The following SH3TC1 variants were observed in gnomAD, a reference collection of about 807,000 sequenced individuals.
SH3TC1 encodes the protein SH3 domain and tetratricopeptide repeat-containing protein 1.
In SH3TC1, 135 loss-of-function variants were observed where a neutral mutation model predicts 117.3. The ratio of observed to expected loss-of-function variants is 1.15; its 90% CI spans 1.00 to 1.33. The LOEUF is 1.33. Among genes scored for constraint, SH3TC1 ranks in the 40% most tolerant of loss-of-function variants. SH3TC1 has a pLI of 0.00. For missense variants in SH3TC1, 2,092 were observed against 1,794.3 expected, an observed-to-expected ratio of 1.17 and a Z score of -3.00; for synonymous variants, 898 against 816.9, an observed-to-expected ratio of 1.10 and a Z score of -1.69.
rs1296058011 is a variant in SH3TC1, at chr4:8,225,239, G to A, written c.1285+23G>A. 2 of 1,610,094 alleles carry A rather than the reference G, an allele frequency of 1.2e-6. No individual in the cohort carries two copies. The highest frequency in any genetic ancestry group is 4.5e-5 in the East Asian group (2 of 44,762). On this transcript the variant is annotated intron_variant, in intron 11 of 17. Coordinates refer to ENST00000245105, the MANE Select transcript of SH3TC1 (RefSeq NM_018986.5). The surrounding 1 kb of genome is among the most constrained non-coding windows in gnomAD (Gnocchi z 5.5). The stretch of plus-strand genomic sequence containing the variant: ...AAGGTGGGTTTTGCCAGTGGCTCAG[G>A]CTTCCTCTGGTTATGAGCTGGGCCT...
chr4:8,240,868 C>T lies in SH3TC1; in HGVS notation c.3924C>T (p.Ala1308=), dbSNP rs748194202. The T allele has an allele frequency of 1.2e-6, 2 of 1,613,702 alleles. No individual in the cohort carries two copies. Among genetic ancestry groups the T allele is most frequent in the East Asian group, 4.5e-5 (2 of 44,868 alleles). The change falls in exon 18 of 18, where the codon GCC becomes GCT. Residue 1308 remains alanine, a synonymous_variant. Coordinates refer to ENST00000245105, the MANE Select transcript of SH3TC1 (RefSeq NM_018986.5). ...LFFYQKARTF[A]TELNVRRVNL... ...TCTACCAGAAGGCCAGGACCTTCGC[C>T]ACAGAGCTCAACGTCCGCAGGGTCA... is the stretch of plus-strand genomic sequence containing the variant.
intron 1 of SH3TC1, among the ~76,000 whole-genome samples, chr4:8,199,762 C>T (rs963928878): frequency 1.1e-4 from 16 of 152,322 alleles, no homozygotes; most frequent in African/African-American, 2.9e-4. Context: ...CCAAGTCCAG[C>T]GGATCTCAGG....
At position 8,227,973 on chromosome 4, in the gene SH3TC1, G is replaced by A. The variant is rs755155779; in HGVS notation, c.2279G>A (p.Ser760Asn). The change falls in exon 12 of 18, where the codon AGC (serine) becomes AAC (asparagine). Residue 760 changes from serine to asparagine, a missense_variant. Physicochemically the swap from Ser to Asn is conservative, Grantham distance 46 (BLOSUM62 1). Transcript: ENST00000245105. ...CTCCAGAACGCCCCCCAGCCCCACAGCCTCCCTGCCCAAACTTCCCACTAC... is the reference window on the plus strand; with the variant it reads ...CTCCAGAACGCCCCCCAGCCCCACAACCTCCCTGCCCAAACTTCCCACTAC... ...LVLQNAPQPH[S>N]LPAQTSHYLR... 2 of 1,612,372 alleles carry A rather than the reference G, an allele frequency of 1.2e-6. No homozygotes were observed. Among genetic ancestry groups the A allele is most frequent in the East Asian group, 2.2e-5 (1 of 44,872 alleles).
At chr4:8,185,904 C>T (rs1455272555) in intron 1 of SH3TC1, among the ~76,000 whole-genome samples, 2 of 152,202 alleles carry the variant, frequency 1.3e-5, no homozygotes, top group African/African-American at 4.8e-5. Flanking sequence ...GCCCCACTGG[C>T]ACCATGCTCT....
intron 9 of SH3TC1, among the ~76,000 whole-genome samples, chr4:8,220,794 C>G (rs1035762388): frequency 6.6e-6 from 1 of 152,200 alleles, no homozygotes; most frequent in Non-Finnish European, 1.5e-5. Context: ...CTCATCAAGC[C>G]GTTCACTTGT....
chr4:8,221,179 G>C (rs960077219), intron 9 of SH3TC1, among the ~76,000 whole-genome samples: 1 of 152,212 alleles, frequency 6.6e-6, no homozygotes. Flanking sequence ...CTCCAAGGGA[G>C]ACCACAAATT....
At chr4:8,215,972 C>A in intron 5 of SH3TC1, 139 bp from the exon 6 acceptor site, 1 of 1,087,920 alleles carries the variant, frequency 9.2e-7, no homozygotes, top group Non-Finnish European at 1.3e-6. Flanking sequence ...ACTGTGGGCA[C>A]CCCAGGGCAG....
chr4:8,191,257 G>A (rs138756253), intron 1 of SH3TC1, among the ~76,000 whole-genome samples: 1,930 of 152,340 alleles, frequency 0.013, 18 homozygotes, highest in African/African-American at 0.028. Flanking sequence ...GCGATTCCCT[G>A]GGCTCCAGGC....
chr4:8,214,451 G>A lies in SH3TC1; in HGVS notation c.376-24G>A, dbSNP rs371608374. ...GCCCCAGAGCTCCTGGGGACCTCTC[G>A]AATTCCTATTTCTTTCTCTTAAGGA... On this transcript the variant is annotated intron_variant, in intron 4 of 17. Transcript: ENST00000245105. The A allele has an allele frequency of 6.9e-5, 111 of 1,607,994 alleles. 1 individual carries two copies. The highest frequency in any genetic ancestry group is 1.4e-4 in the South Asian group (13 of 90,940).
chr4:8,232,178 GT>G, intron 13 of SH3TC1, 22 bp downstream of exon 13: 1 of 1,030,850 alleles, frequency 9.7e-7, no homozygotes. Flanking sequence ...CTCTGTGGTG[GT>G]GGGGGCGGGG....
At chr4:8,224,654 A>C (rs1720290971) in intron 10 of SH3TC1, 1 of 154,282 alleles carries the variant, frequency 6.5e-6, no homozygotes, top group South Asian at 2.0e-4. Context: ...CAGCCACTTT[A>C]CGGGGGTGAA....
At chr4:8,184,620 C>G (rs1342439441) in intron 1 of SH3TC1, among the ~76,000 whole-genome samples, 1 of 152,170 alleles carries the variant, frequency 6.6e-6, no homozygotes, top group Non-Finnish European at 1.5e-5. Context: ...CTCACGTGAT[C>G]CTCCCGCCTC....
chr4:8,231,609 T>G, intron 12 of SH3TC1: 6 of 232,882 alleles, frequency 2.6e-5, no homozygotes, highest in East Asian at 9.5e-5. Context: ...AGACGTGACA[T>G]TTGGTTTTGC....
In SH3TC1 at chr4:8,212,654, C is replaced by T. The variant is rs148270559; in HGVS notation, c.248-47C>T. On this transcript the variant is annotated intron_variant, in intron 3 of 17. Coordinates refer to ENST00000245105, the MANE Select transcript of SH3TC1 (RefSeq NM_018986.5). ...GTGGAGTACAGTGCCCCACAGACTT[C>T]CCAGCCCAGGTCAGACCAACTGCCC... 6.8e-6 allele frequency: 11 copies of T among 1,611,490 alleles called. No homozygotes were observed. In the African/African-American group the frequency reaches 1.2e-4, roughly 18 times the overall value.
At chr4:8,188,651 G>T (rs1246554714) in intron 1 of SH3TC1, among the ~76,000 whole-genome samples, 2 of 152,216 alleles carry the variant, frequency 1.3e-5, no homozygotes, top group Non-Finnish European at 2.9e-5. Context: ...AGGGTAGAAG[G>T]GGTGAGGGAT....
chr4:8,216,795 AC>A (rs1719320996), intron 6 of SH3TC1, among the ~76,000 whole-genome samples, 161 bp from the exon 7 acceptor site: 1 of 151,772 alleles, frequency 6.6e-6, no homozygotes. Context: ...CCCTGGGCCC[AC>A]CTCTCCTTCT....
intron 3 of SH3TC1, among the ~76,000 whole-genome samples, chr4:8,211,022 C>A (rs1718624000): frequency 6.6e-6 from 1 of 151,090 alleles, no homozygotes; most frequent in Non-Finnish European, 1.5e-5. Context: ...ATTTTCTCCC[C>A]TCTCCCTCTC....
chr4:8,207,159 G>T (rs1718283410), intron 2 of SH3TC1, among the ~76,000 whole-genome samples: 1 of 151,678 alleles, frequency 6.6e-6, no homozygotes, highest in South Asian at 2.1e-4. Context: ...CTTTTAATCT[G>T]GAGGCTGCTG....
chr4:8,225,254 G>A lies in SH3TC1; in HGVS notation c.1285+38G>A. 6.2e-7 allele frequency: 1 copy of A among 1,604,114 alleles called. No homozygotes were observed. The highest frequency in any genetic ancestry group is 1.1e-5 in the South Asian group (1 of 89,346). On this transcript the variant is annotated intron_variant, in intron 11 of 17. Coordinates refer to ENST00000245105, the MANE Select transcript of SH3TC1 (RefSeq NM_018986.5). This position sits in a 1 kb window ranked among gnomAD's most constrained non-coding sequence, Gnocchi z 5.5. ...AGTGGCTCAGGCTTCCTCTGGTTAT[G>A]AGCTGGGCCTTGGGGTAACGCTGGG... is the stretch of plus-strand genomic sequence containing the variant.
Sources: allele counts gnomAD v4.1 joint callset (sites outside exome capture counted in the v4.1 genomes callset), GRCh38; gene constraint gnomAD v4.1.1; non-coding constraint Gnocchi (gnomAD v3.1); transcripts MANE v1.5; gene names NCBI Gene and HGNC (gene_info 2026-07-23, HGNC 2026-07-21).